ZNF461: variants seen among roughly 807,000 people sequenced by gnomAD.
ZNF461 encodes the protein zinc finger protein 461.
In ZNF461, 16 loss-of-function variants were observed where a neutral mutation model predicts 18.3. The ratio of observed to expected loss-of-function variants is 0.88; its 90% CI spans 0.59 to 1.33. The LOEUF (loss-of-function observed/expected upper bound fraction) is 1.33. ZNF461 is among the 40% of genes most tolerant of loss of function. ZNF461 has a pLI of 0.00. For synonymous variants in ZNF461, 179 were observed against 216.9 expected (o/e 0.83, Z 1.54); for missense variants, 595 against 669.9 (o/e 0.89, Z 1.23).
At chr19:36,651,067 T>TA (rs1314021806) in intron 4 of ZNF461, among the ~76,000 whole-genome samples, 12 of 151,274 alleles carry the variant, frequency 7.9e-5, no homozygotes, top group South Asian at 4.2e-4. Flanking sequence ...CCGTCTCAAC[T>TA]AAAAATACAA....
At chr19:36,649,341 T>A (rs944055175) in intron 4 of ZNF461, among the ~76,000 whole-genome samples, 1 of 152,164 alleles carries the variant, frequency 6.6e-6, no homozygotes, top group Non-Finnish European at 1.5e-5. Context: ...TATTTATGTT[T>A]TTTTTTGAGA....
At chr19:36,651,598 A>G (rs2037628576) in intron 4 of ZNF461, among the ~76,000 whole-genome samples, 1 of 152,230 alleles carries the variant, frequency 6.6e-6, no homozygotes, top group South Asian at 2.1e-4. Context: ...TCCAAAGAAA[A>G]TGAAATACTT....
chr19:36,643,943 T>C, intron 4 of ZNF461, 81 bp from the exon 5 acceptor site: 2 of 1,192,492 alleles, frequency 1.7e-6, no homozygotes, highest in Non-Finnish European at 2.2e-6. Context: ...CTATTTCTTT[T>C]TCTTTTTAGA....
intron 2 of ZNF461, among the ~76,000 whole-genome samples, chr19:36,660,591 T>TA (rs1474519034): frequency 2.6e-5 from 4 of 152,194 alleles, no homozygotes; most frequent in Admixed American, 2.6e-4. Context: ...CTAATACTAC[T>TA]AATCTTTATT....
Position 36,653,081 on chromosome 19 carries a change from G to C in ZNF461, c.232+3367C>G, listed in dbSNP as rs529913840. On this transcript the variant is annotated intron_variant, in intron 4 of 5. Coordinates refer to ENST00000588268, the MANE Select transcript of ZNF461 (RefSeq NM_153257.5). ...GAATGGCTACAATGAAAAACAATTA[G>C]AACACCAAGTGCTGACTATGATTAG... 1.1e-3 allele frequency among the ~76,000 whole-genome samples: 162 copies of C among 152,210 alleles called. 1 individual carries two copies. Among genetic ancestry groups the C allele is most frequent in the African/African-American group, 3.8e-3 (159 of 41,522 alleles).
At chr19:36,657,894 T>C (rs1050098005) in intron 3 of ZNF461, 1 of 161,774 alleles carries the variant, frequency 6.2e-6, no homozygotes, top group Non-Finnish European at 1.3e-5. Flanking sequence ...TATCACTCTA[T>C]TACCCAGGAA....
rs1177729046 is a variant in ZNF461 at position 36,658,390 on chromosome 19, G to C, written c.45C>G (p.Val15=). 1 of 1,611,460 alleles carries C rather than the reference G, an allele frequency of 6.2e-7. No homozygotes were observed. The highest frequency in any genetic ancestry group is 8.5e-7 in the Non-Finnish European group (1 of 1,178,614). The change falls in exon 3 of 6, where the codon GTC becomes GTG. Residue 15 remains valine (V), a synonymous_variant. Coordinates refer to ENST00000588268, the MANE Select transcript of ZNF461 (RefSeq NM_153257.5). ...LVMFRDVAID[V]SQEEWECLNP... is the part of the protein sequence containing the mutation. ...TCAGGCATTCCCATTCCTCCTGAGA[G>C]ACATCTATAGCCACATCTCTGAACA... is the stretch of plus-strand genomic sequence containing the variant.
chr19:36,658,169 G>A (rs1020647342), intron 3 of ZNF461, 130 bp downstream of exon 3: 1 of 963,594 alleles, frequency 1.0e-6, no homozygotes, highest in Non-Finnish European at 1.5e-6. Context: ...TACATAAAGA[G>A]AAAATTCATC....
At chr19:36,651,407 A>AGGCATAGAT (rs1197357197) in intron 4 of ZNF461, among the ~76,000 whole-genome samples, 37 of 152,112 alleles carry the variant, frequency 2.4e-4, no homozygotes, top group African/African-American at 3.9e-4. Context: ...AAGAAATAAA[A>AGGCATAGAT]GGCATAGATT....
intron 4 of ZNF461, among the ~76,000 whole-genome samples, chr19:36,654,130 T>A (rs1005085730): frequency 6.6e-6 from 1 of 152,164 alleles, no homozygotes. Flanking sequence ...TGTGAATCCA[T>A]AATTATTTCA....
rs1221081160 is a variant in ZNF461, at chr19:36,636,899, G to A, written c.*1754C>T. On this transcript the variant is annotated 3_prime_UTR_variant, in exon 6 of 6. Transcript: ENST00000588268. Reference sequence around the variant, plus strand: ...CCAGCATATCTGGCCACATTCCAATGCTTCAAAGGAGTGTCTTTCTCCTTG... The same window carrying A: ...CCAGCATATCTGGCCACATTCCAATACTTCAAAGGAGTGTCTTTCTCCTTG... Among the ~76,000 whole-genome samples the A allele has an allele frequency of 6.6e-6, 1 of 152,192 alleles. No individual in the cohort carries two copies. Among genetic ancestry groups the A allele is most frequent in the Non-Finnish European group, 1.5e-5 (1 of 68,038 alleles).
intron 2 of ZNF461, among the ~76,000 whole-genome samples, chr19:36,661,371 C>T (rs1281128461): frequency 1.3e-5 from 2 of 151,266 alleles, no homozygotes; most frequent in East Asian, 1.9e-4. Context: ...ACATTGCAAA[C>T]CTTAACCCCT....
Position 36,639,970 on chromosome 19 carries a change from C to A in ZNF461, c.375G>T (p.Trp125Cys). The A allele has an allele frequency of 6.2e-7, 1 of 1,613,682 alleles. No individual in the cohort carries two copies. Among genetic ancestry groups the A allele is most frequent in the Non-Finnish European group, 8.5e-7 (1 of 1,179,826 alleles). The change falls in exon 6 of 6, where the codon TGG (tryptophan) becomes TGT (cysteine). Residue 125 changes from tryptophan to cysteine, a missense_variant. By Grantham distance (215) the Trp-to-Cys change is radical. Coordinates refer to ENST00000588268, the MANE Select transcript of ZNF461 (RefSeq NM_153257.5). The part of the protein sequence containing the change: ...RDIYETELSQ[W>C]VNMEEFKSHS... ...GGCTTTTAAATTCTTCCATGTTAACCCACTGGGATAATTCTGTTTCATAAA... is the reference window on the plus strand; with the variant it reads ...GGCTTTTAAATTCTTCCATGTTAACACACTGGGATAATTCTGTTTCATAAA...
chr19:36,664,678 G>A lies in ZNF461; in HGVS notation c.9+20C>T, dbSNP rs761711582. ...AAAAAATCAAGTATTGTAATTAGGAGCAAGAAAAAACCAACTTACATGGGC... is the reference window on the plus strand; with the variant it reads ...AAAAAATCAAGTATTGTAATTAGGAACAAGAAAAAACCAACTTACATGGGC... On this transcript the variant is annotated intron_variant, in intron 2 of 5. Coordinates refer to ENST00000588268, the MANE Select transcript of ZNF461 (RefSeq NM_153257.5). 10 of 1,513,412 alleles carry A rather than the reference G, an allele frequency of 6.6e-6. No homozygotes were observed. The African/African-American group carries it at 1.2e-4, about 17-fold the overall frequency. The allele number at this position is 1,513,412 out of a possible 1,614,324, so 93.7% of individuals were successfully genotyped here. A position where few individuals can be genotyped will look rare whatever the true frequency, so the allele number is the denominator to read the frequency against.
intron 4 of ZNF461, among the ~76,000 whole-genome samples, chr19:36,655,279 A>T (rs1412132249): frequency 6.6e-6 from 1 of 152,164 alleles, no homozygotes; most frequent in Non-Finnish European, 1.5e-5. Flanking sequence ...TACAGGTGTG[A>T]GCCACTGAGC....
At chr19:36,654,792 C>T (rs2145399816) in intron 4 of ZNF461, among the ~76,000 whole-genome samples, 1 of 152,268 alleles carries the variant, frequency 6.6e-6, no homozygotes, top group South Asian at 2.1e-4. Context: ...AATCATCCCT[C>T]TGCCATCTCT....
At chr19:36,640,460 T>C (rs2037404573) in intron 5 of ZNF461, among the ~76,000 whole-genome samples, 1 of 152,200 alleles carries the variant, frequency 6.6e-6, no homozygotes, top group Non-Finnish European at 1.5e-5. Flanking sequence ...TTTTAAAAAA[T>C]ATCAATTGAA....
rs779761042 is a variant in ZNF461, at chr19:36,637,838, A to G, written c.*815T>C. On this transcript the variant is annotated 3_prime_UTR_variant, in exon 6 of 6. Coordinates refer to ENST00000588268, the MANE Select transcript of ZNF461 (RefSeq NM_153257.5). ...AAAGGAAACTGATAGCAGTTGTTGCATCTGTGGAAAGTGAGTGGCTACAGA... is the reference window on the plus strand; with the variant it reads ...AAAGGAAACTGATAGCAGTTGTTGCGTCTGTGGAAAGTGAGTGGCTACAGA... The G allele has an allele frequency of 2.3e-6, 1 of 434,936 alleles. No individual in the cohort carries two copies. Among genetic ancestry groups the G allele is most frequent in the Non-Finnish European group, 4.6e-6 (1 of 217,882 alleles). The allele number at this position is 434,936 out of a possible 1,614,324, so 26.9% of individuals were successfully genotyped here. A position where few individuals can be genotyped will look rare whatever the true frequency, so the allele number is the denominator to read the frequency against.
chr19:36,654,204 A>T (rs963456260), intron 4 of ZNF461, among the ~76,000 whole-genome samples: 58 of 152,326 alleles, frequency 3.8e-4, no homozygotes, highest in African/African-American at 1.4e-3. Context: ...GGTATAAAAA[A>T]ACTGGTAAAG....
Sources: gnomAD v4.1 joint callset for allele counts (sites outside exome capture counted in the v4.1 genomes callset) on GRCh38, gnomAD v4.1.1 for gene constraint, MANE v1.5 for transcripts, NCBI Gene and HGNC (gene_info 2026-07-23, HGNC 2026-07-21) for gene names.